Variants in NET1 observed in about 807,000 individuals in gnomAD.
The protein encoded by NET1 is neuroepithelial cell transforming 1.
In NET1, 42 loss-of-function variants were observed where a neutral mutation model predicts 61.1. That is an observed-to-expected ratio of 0.69 (90% CI 0.54 to 0.89). The LOEUF (loss-of-function observed/expected upper bound fraction) is 0.89. NET1 is among the 40% of genes least tolerant of loss of function. The probability of loss-of-function intolerance (pLI) is 0.00; values close to 1 mark genes in which losing one functional copy is unlikely to be tolerated. For synonymous variants in NET1, 254 were observed against 281.8 expected (o/e 0.90, Z 0.99); for missense variants, 654 against 747.3 (o/e 0.88, Z 1.46).
rs1482131093 is a variant in NET1 at position 5,415,382 on chromosome 10, T to C, written c.128+2562T>C. The stretch of plus-strand genomic sequence containing the variant: ...GTAGGAATTTCTCTGTTCTGGACAT[T>C]GCATATGAATGGATTTATGTAATGT... On this transcript the variant is annotated intron_variant, in intron 1 of 11. Coordinates refer to ENST00000355029, the MANE Select transcript of NET1 (RefSeq NM_001047160.3). This position sits in a 1 kb window ranked among gnomAD's most constrained non-coding sequence, Gnocchi z 4.7. Among the ~76,000 whole-genome samples, 1 of 152,098 alleles carries C rather than the reference T, an allele frequency of 6.6e-6. No homozygotes were observed. Among genetic ancestry groups the C allele is most frequent in the Non-Finnish European group, 1.5e-5 (1 of 68,028 alleles).
At position 5,449,011 on chromosome 10, in the gene NET1, T is replaced by C. The variant is rs550721187; in HGVS notation, c.256-2819T>C. On this transcript the variant is annotated intron_variant, in intron 3 of 11. Coordinates refer to ENST00000355029, the MANE Select transcript of NET1 (RefSeq NM_001047160.3). The surrounding 1 kb of genome is among the most constrained non-coding windows in gnomAD (Gnocchi z 4.4). ...AAACTACTTTTGGTTTCGGCTCACATGGGCCAATTTCTGACGTGTATTCCG... is the reference window on the plus strand; with the variant it reads ...AAACTACTTTTGGTTTCGGCTCACACGGGCCAATTTCTGACGTGTATTCCG... Among the ~76,000 whole-genome samples the C allele has an allele frequency of 5.3e-5, 8 of 152,218 alleles. No homozygotes were observed. Among genetic ancestry groups the C allele is most frequent in the Non-Finnish European group, 1.2e-4 (8 of 68,024 alleles).
At position 5,417,514 on chromosome 10, in the gene NET1, G is replaced by A. The variant is rs1248734741; in HGVS notation, c.128+4694G>A. ...ATAGGAATACATACAATTGATTTTT[G>A]TATATCGATCTTGGATCCTGCTACC... On this transcript the variant is annotated intron_variant, in intron 1 of 11. Transcript: ENST00000355029. The surrounding 1 kb of genome is among the most constrained non-coding windows in gnomAD (Gnocchi z 5.5). Among the ~76,000 whole-genome samples the A allele has an allele frequency of 1.3e-5, 2 of 152,132 alleles. No individual in the cohort carries two copies. Among genetic ancestry groups the A allele is most frequent in the African/African-American group, 4.8e-5 (2 of 41,420 alleles).
In NET1 at chr10:5,444,039, G is replaced by A. The variant is rs1832565769; in HGVS notation, c.256-7791G>A. ...AGACTGCTGGGGTCTAGCCTAGGCT[G>A]TTCATATTAGCTCTGAGAATGTAGG... On this transcript the variant is annotated intron_variant, in intron 3 of 11. Coordinates refer to ENST00000355029, the MANE Select transcript of NET1 (RefSeq NM_001047160.3). This position sits in a 1 kb window ranked among gnomAD's most constrained non-coding sequence, Gnocchi z 5.3. 6.6e-6 allele frequency among the ~76,000 whole-genome samples: 1 copy of A among 152,206 alleles called. No individual in the cohort carries two copies. The highest frequency in any genetic ancestry group is 1.5e-5 in the Non-Finnish European group (1 of 68,040).
rs116533574 is a variant in NET1 at position 5,415,453 on chromosome 10, C to G, written c.128+2633C>G. Among the ~76,000 whole-genome samples, 1 of 73,652 alleles carries G rather than the reference C, an allele frequency of 1.4e-5. No individual in the cohort carries two copies. Among genetic ancestry groups the G allele is most frequent in the Admixed American group, 1.4e-4 (1 of 7,332 alleles). The allele number at this position is 73,652 out of a possible 152,430, so 48.3% of individuals were successfully genotyped here. On this transcript the variant is annotated intron_variant, in intron 1 of 11. Coordinates refer to ENST00000355029, the MANE Select transcript of NET1 (RefSeq NM_001047160.3). The surrounding 1 kb of genome is among the most constrained non-coding windows in gnomAD (Gnocchi z 4.7). ...CCATCCTTTGCTCTTTTTTTTTTTTCTTTTGAGACGGAGTCTCAGTCTGTC... is the reference window on the plus strand; with the variant it reads ...CCATCCTTTGCTCTTTTTTTTTTTTGTTTTGAGACGGAGTCTCAGTCTGTC...
In NET1 at chr10:5,437,322, TA is replaced by T. The variant is rs1832452989; in HGVS notation, c.255+8094del. On this transcript the variant is annotated intron_variant, in intron 3 of 11. Transcript: ENST00000355029. The surrounding 1 kb of genome is among the most constrained non-coding windows in gnomAD (Gnocchi z 4.3). The stretch of plus-strand genomic sequence containing the variant: ...AGCTTGCTTTTTTTAATTTATGTTT[TA>T]TTGGTACATATAAAGCAGGCTCCCT... 6.6e-6 allele frequency among the ~76,000 whole-genome samples: 1 copy of T among 152,338 alleles called. No homozygotes were observed. The highest frequency in any genetic ancestry group is 6.5e-5 in the Admixed American group (1 of 15,308).
chr10:5,450,959 A>G (rs941832761), intron 3 of NET1, among the ~76,000 whole-genome samples: 1 of 152,238 alleles, frequency 6.6e-6, no homozygotes, highest in African/African-American at 2.4e-5. Flanking sequence ...CCTTTAAGTT[A>G]ATAAATTACT....
chr10:5,453,684 CTG>C lies in NET1; in HGVS notation c.768+125_768+126del. 3 of 791,050 alleles carry C rather than the reference CTG, an allele frequency of 3.8e-6. No individual in the cohort carries two copies. The highest frequency in any genetic ancestry group is 3.3e-5 in the South Asian group (2 of 61,174). The allele number at this position is 791,050 out of a possible 1,614,324, so 49.0% of individuals were successfully genotyped here. A position where few individuals can be genotyped will look rare whatever the true frequency, so the allele number is the denominator to read the frequency against. The stretch of plus-strand genomic sequence containing the variant: ...TCTACAAACACATAAGGCGTTAAAA[CTG>C]AACAAATTTACAGTGACATAAGAAG... On this transcript the variant is annotated intron_variant, in intron 8 of 11. Coordinates refer to ENST00000355029, the MANE Select transcript of NET1 (RefSeq NM_001047160.3). This position sits in a 1 kb window ranked among gnomAD's most constrained non-coding sequence, Gnocchi z 4.9.
At position 5,454,652 on chromosome 10, in the gene NET1, C is replaced by T. The variant is rs1588441376; in HGVS notation, c.1026+130C>T. 2 of 1,071,704 alleles carry T rather than the reference C, an allele frequency of 1.9e-6. No individual in the cohort carries two copies. Among genetic ancestry groups the T allele is most frequent in the East Asian group, 2.5e-5 (1 of 39,542 alleles). 66.4% of individuals were successfully genotyped at this position (1,071,704 alleles called of 1,614,324 possible). A position where few individuals can be genotyped will look rare whatever the true frequency, so the allele number is the denominator to read the frequency against. The stretch of plus-strand genomic sequence containing the variant: ...GTTTTGTTGTTTTAAGTACCCAGTG[C>T]GTTAGTACGCTGTGCACTAAGCAAT... On this transcript the variant is annotated intron_variant, in intron 9 of 11. Transcript: ENST00000355029. The surrounding 1 kb of genome is among the most constrained non-coding windows in gnomAD (Gnocchi z 8.1).
rs1348329365 is a variant in NET1, at chr10:5,457,153, A to G, written c.*159A>G. On this transcript the variant is annotated 3_prime_UTR_variant, in exon 12 of 12. Coordinates refer to ENST00000355029, the MANE Select transcript of NET1 (RefSeq NM_001047160.3). This position sits in a 1 kb window ranked among gnomAD's most constrained non-coding sequence, Gnocchi z 5.4. ...TTTTTCTTTTTTTAATGGCAGCTAA[A>G]GATATACAGATTACTGTTAAATTGC... 5.8e-6 allele frequency: 3 copies of G among 520,360 alleles called. No homozygotes were observed. Among genetic ancestry groups the G allele is most frequent in the Non-Finnish European group, 9.2e-6 (3 of 324,488 alleles). 32.2% of individuals were successfully genotyped at this position (520,360 alleles called of 1,614,324 possible).
In NET1 at chr10:5,457,019, G is replaced by A; in HGVS notation, c.*25G>A. 1 of 1,513,634 alleles carries A rather than the reference G, an allele frequency of 6.6e-7. No homozygotes were observed. 93.8% of individuals were successfully genotyped at this position (1,513,634 alleles called of 1,614,324 possible). On this transcript the variant is annotated 3_prime_UTR_variant, in exon 12 of 12. Coordinates refer to ENST00000355029, the MANE Select transcript of NET1 (RefSeq NM_001047160.3). This position sits in a 1 kb window ranked among gnomAD's most constrained non-coding sequence, Gnocchi z 5.4. ...GAGAAGGCTCTGTGTGTTAACTGAT[G>A]GGAGAGACTGTTTGTTTATAAATGT...
rs1832731894 is a variant in NET1 at position 5,452,900 on chromosome 10, G to A, written c.574G>A (p.Asp192Asn). ...CCGAGGTGAACAGGATTTAATTGAG[G>A]ATCTCAAACTTGCAAGAAAGGTCAG... ...MSRGEQDLIE[D>N]LKLARKAYHD... The change falls in exon 6 of 12, where the codon GAT becomes AAT. Residue 192 changes from aspartate (D) to asparagine (N), a missense_variant. Physicochemically the swap from Asp to Asn is conservative, Grantham distance 23. Coordinates refer to ENST00000355029, the MANE Select transcript of NET1 (RefSeq NM_001047160.3). The surrounding 1 kb of genome is among the most constrained non-coding windows in gnomAD (Gnocchi z 4.0). The A allele has an allele frequency of 6.2e-7, 1 of 1,612,714 alleles. No homozygotes were observed. The highest frequency in any genetic ancestry group is 2.2e-5 in the East Asian group (1 of 44,832).
intron 2 of NET1, 57 bp from the exon 3 acceptor site, chr10:5,429,113 T>C (rs1832308126): frequency 8.5e-7 from 1 of 1,170,702 alleles, no homozygotes; most frequent in Admixed American, 2.0e-5. Flanking sequence ...AGTCTTTGTT[T>C]TGTGAGGTAA....
chr10:5,455,968 A>T lies in NET1; in HGVS notation c.1198-119A>T. The T allele has an allele frequency of 2.0e-6, 2 of 1,005,638 alleles. No homozygotes were observed. The highest frequency in any genetic ancestry group is 2.8e-6 in the Non-Finnish European group (2 of 702,790). 62.3% of individuals were successfully genotyped at this position (1,005,638 alleles called of 1,614,324 possible). A position where few individuals can be genotyped will look rare whatever the true frequency, so the allele number is the denominator to read the frequency against. ...TTATGGATTACTAGATTTGTCACTTAGAGAGATCTTCGAAAAATAAATCTG... is the reference window on the plus strand; with the variant it reads ...TTATGGATTACTAGATTTGTCACTTTGAGAGATCTTCGAAAAATAAATCTG... On this transcript the variant is annotated intron_variant, in intron 10 of 11. Coordinates refer to ENST00000355029, the MANE Select transcript of NET1 (RefSeq NM_001047160.3). The surrounding 1 kb of genome is among the most constrained non-coding windows in gnomAD (Gnocchi z 6.5).
Position 5,427,348 on chromosome 10 carries a change from A to C in NET1, c.195+627A>C, listed in dbSNP as rs1360551475. ...AGTGATTCAAAATATAATTTCATAT[A>C]AATGCATAAGTATGATCATATATGT... On this transcript the variant is annotated intron_variant, in intron 2 of 11. Transcript: ENST00000355029. This position sits in a 1 kb window ranked among gnomAD's most constrained non-coding sequence, Gnocchi z 4.1. Among the ~76,000 whole-genome samples the C allele has an allele frequency of 2.0e-5, 3 of 152,200 alleles. No individual in the cohort carries two copies. The highest frequency in any genetic ancestry group is 7.2e-5 in the African/African-American group (3 of 41,460).
chr10:5,413,926 G>C (rs1564456057), intron 1 of NET1, among the ~76,000 whole-genome samples: 7 of 152,278 alleles, frequency 4.6e-5, no homozygotes, highest in Middle Eastern at 6.8e-3. Context: ...TGTGATAAAA[G>C]TTATTATAGT....
Position 5,454,999 on chromosome 10 carries a change from T to C in NET1, c.1078T>C (p.Ser360Pro). Reference sequence around the variant, plus strand: ...TGATATCAACTTGAAGAAAGGTGAATCCGAGTGCCAGTATTACATCGACAA... The same window carrying C: ...TGATATCAACTTGAAGAAAGGTGAACCCGAGTGCCAGTATTACATCGACAA... ...LSDINLKKGE[S>P]ECQYYIDKLE... The change falls in exon 10 of 12, where the codon TCC becomes CCC. Residue 360 changes from serine (S) to proline (P), a missense_variant. By Grantham distance (74) the Ser-to-Pro change is moderately conservative. Transcript: ENST00000355029. The surrounding 1 kb of genome is among the most constrained non-coding windows in gnomAD (Gnocchi z 8.1). 3 of 1,614,136 alleles carry C rather than the reference T, an allele frequency of 1.9e-6. No individual in the cohort carries two copies. Among genetic ancestry groups the C allele is most frequent in the East Asian group, 2.2e-5 (1 of 44,890 alleles).
chr10:5,438,087 G>A (rs563069516), intron 3 of NET1, among the ~76,000 whole-genome samples: 1 of 152,276 alleles, frequency 6.6e-6, no homozygotes, highest in Non-Finnish European at 1.5e-5. Flanking sequence ...CTTATGGAAT[G>A]CAACAAAAGC....
Position 5,441,666 on chromosome 10 carries a change from T to G in NET1, c.256-10164T>G, listed in dbSNP as rs1019750791. On this transcript the variant is annotated intron_variant, in intron 3 of 11. Transcript: ENST00000355029. This position sits in a 1 kb window ranked among gnomAD's most constrained non-coding sequence, Gnocchi z 4.6. ...TATTAGCCTATGAGACTATTTTATT[T>G]AAAGTGTGTCTAATAATACTTAATT... Among the ~76,000 whole-genome samples, 13 of 152,258 alleles carry G rather than the reference T, an allele frequency of 8.5e-5. No homozygotes were observed. Among genetic ancestry groups the G allele is most frequent in the Admixed American group, 2.0e-4 (3 of 15,290 alleles).
At position 5,426,651 on chromosome 10, in the gene NET1, A is replaced by G. The variant is rs201162474; in HGVS notation, c.129-4A>G. On this transcript the variant is annotated splice_region_variant and splice_polypyrimidine_tract_variant and intron_variant, in intron 1 of 11. Coordinates refer to ENST00000355029, the MANE Select transcript of NET1 (RefSeq NM_001047160.3). The surrounding 1 kb of genome is among the most constrained non-coding windows in gnomAD (Gnocchi z 4.6). The stretch of plus-strand genomic sequence containing the variant: ...TATTTATTGTTTGAATTTTCCATTA[A>G]TAGATGTTCCCTTCGGAGAGGCAGC... 5.6e-5 allele frequency: 89 copies of G among 1,602,214 alleles called. 1 individual carries two copies. In the East Asian group the frequency reaches 2.0e-3, roughly 36 times the overall value.
Sources: allele counts gnomAD v4.1 joint callset (sites outside exome capture counted in the v4.1 genomes callset), GRCh38; gene constraint gnomAD v4.1.1; non-coding constraint Gnocchi (gnomAD v3.1); transcripts MANE v1.5; gene names NCBI Gene and HGNC (gene_info 2026-07-23, HGNC 2026-07-21).